Variants in COPS2 observed in about 807,000 individuals in gnomAD.
COPS2 encodes COP9 signalosome complex subunit 2.
A neutral mutation model predicts 66.1 loss-of-function variants in COPS2; 10 were observed. The observed-to-expected ratio is 0.15, with a 90% CI of 0.09 to 0.26. The LOEUF (loss-of-function observed/expected upper bound fraction) is 0.26, where lower values mean the gene tolerates loss of function less well. Among genes scored for constraint, COPS2 ranks in the 10% least tolerant of loss-of-function variants. The pLI, the probability that COPS2 is intolerant of heterozygous loss-of-function variation, is 1.00. For synonymous variants in COPS2, 179 were observed against 171.3 expected, an observed-to-expected ratio of 1.04 and a Z score of -0.35; for missense variants, 215 against 513.3, an observed-to-expected ratio of 0.42 and a Z score of 5.62.
chr15:49,136,001 G>T (rs1215907012), intron 6 of COPS2, among the ~76,000 whole-genome samples: 1 of 152,142 alleles, frequency 6.6e-6, no homozygotes, highest in South Asian at 2.1e-4. Context: ...CCTCCAGTTG[G>T]TTATGCATCA....
chr15:49,141,256 C>T (rs2084288017), intron 3 of COPS2, among the ~76,000 whole-genome samples: 1 of 152,114 alleles, frequency 6.6e-6, no homozygotes, highest in African/African-American at 2.4e-5. Flanking sequence ...AATCCCAGCC[C>T]TTTGAGAGGC....
chr15:49,151,735 A>G (rs1045037533), intron 1 of COPS2, among the ~76,000 whole-genome samples: 35 of 151,948 alleles, frequency 2.3e-4, no homozygotes, highest in African/African-American at 8.0e-4. Flanking sequence ...TTCTGCCTCT[A>G]ATGAAAATCA....
At chr15:49,153,024 C>T (rs2084373469) in intron 1 of COPS2, among the ~76,000 whole-genome samples, 1 of 152,154 alleles carries the variant, frequency 6.6e-6, no homozygotes, top group Admixed American at 6.5e-5. Flanking sequence ...TGATCATCAG[C>T]TTGATCACAG....
chr15:49,148,219 AC>A (rs1222822035), intron 1 of COPS2, among the ~76,000 whole-genome samples: 145 of 152,302 alleles, frequency 9.5e-4, no homozygotes, highest in Non-Finnish European at 2.9e-4. Context: ...ATTATTGCTC[AC>A]AGAAATCCAA....
chr15:49,136,113 A>T (rs1238563383), intron 6 of COPS2, among the ~76,000 whole-genome samples: 1 of 152,232 alleles, frequency 6.6e-6, no homozygotes, highest in Non-Finnish European at 1.5e-5. Flanking sequence ...ATTCATTTAG[A>T]ACAGTTTCTT....
chr15:49,154,293 T>C (rs942787512), intron 1 of COPS2, among the ~76,000 whole-genome samples: 1 of 152,314 alleles, frequency 6.6e-6, no homozygotes, highest in African/African-American at 2.4e-5. Flanking sequence ...TGCCTACAAC[T>C]GGCTTGCACA....
At chr15:49,138,047 G>C (rs1444080688) in intron 4 of COPS2, among the ~76,000 whole-genome samples, 1 of 152,164 alleles carries the variant, frequency 6.6e-6, no homozygotes, top group Admixed American at 6.5e-5. Flanking sequence ...ATATGACTAA[G>C]TAACTCAACT....
chr15:49,140,143 C>T (rs897429253), intron 3 of COPS2, among the ~76,000 whole-genome samples: 4 of 151,930 alleles, frequency 2.6e-5, no homozygotes. Flanking sequence ...TGTGCCACCA[C>T]ACCGGGCTAA....
At chr15:49,135,438 G>T (rs1409448753) in intron 6 of COPS2, among the ~76,000 whole-genome samples, 2 of 152,120 alleles carry the variant, frequency 1.3e-5, no homozygotes, top group African/African-American at 4.8e-5. Context: ...CACTCTAGTA[G>T]AAGATTAATC....
At position 49,145,043 on chromosome 15, in the gene COPS2, C is replaced by T; in HGVS notation, c.90G>A (p.Val30=). 1 of 1,599,488 alleles carries T rather than the reference C, an allele frequency of 6.3e-7. No homozygotes were observed. Among genetic ancestry groups the T allele is most frequent in the South Asian group, 1.1e-5 (1 of 88,458 alleles). ...YSEDSNSEPN[V]DLENQYYNSK... is the part of the protein sequence containing the mutation. ...AATTATAGTACTGATTTTCCAAATC[C>T]ACATTTGGCTCGGAGTTACTATCTT... The change falls in exon 2 of 13, where the codon GTG becomes GTA. Residue 30 remains valine, a synonymous_variant. Transcript: ENST00000388901.
intron 4 of COPS2, among the ~76,000 whole-genome samples, chr15:49,138,596 A>C (rs2084269587): frequency 6.6e-6 from 1 of 152,208 alleles, no homozygotes; most frequent in Admixed American, 6.5e-5. Context: ...CATGATATAT[A>C]GCTTAACTCT....
chr15:49,146,597 T>C (rs141714732), intron 1 of COPS2, among the ~76,000 whole-genome samples: 8 of 152,214 alleles, frequency 5.3e-5, no homozygotes, highest in Admixed American at 3.3e-4. Context: ...TAACTATTTG[T>C]TGGAACATAA....
intron 1 of COPS2, among the ~76,000 whole-genome samples, chr15:49,151,030 T>C (rs1241575971): frequency 6.6e-6 from 1 of 152,214 alleles, no homozygotes; most frequent in Admixed American, 6.5e-5. Flanking sequence ...CAGCTGGTCA[T>C]ATGGTCATAT....
intron 9 of COPS2, among the ~76,000 whole-genome samples, chr15:49,131,595 C>G (rs2084209676): frequency 6.6e-6 from 1 of 151,868 alleles, no homozygotes; most frequent in Non-Finnish European, 1.5e-5. Context: ...CCCAATGTAA[C>G]CTCATATTAG....
At chr15:49,128,610 G>C in intron 12 of COPS2, 92 bp downstream of exon 12, 1 of 879,280 alleles carries the variant, frequency 1.1e-6, no homozygotes, top group Non-Finnish European at 1.8e-6. Context: ...TGCTTTTTAT[G>C]AATAATCAAG....
Position 49,155,589 on chromosome 15 carries a change from AG to A in COPS2, c.-12del, listed in dbSNP as rs759205042. On this transcript the variant is annotated 5_prime_UTR_variant, in exon 1 of 13. Transcript: ENST00000388901. ...CTCCATGTCAGACATCTTGGCCGGG[AG>A]GGGGAGGAGAAATTGGAGACAACCT... 6.2e-7 allele frequency: 1 copy of A among 1,613,886 alleles called. No homozygotes were observed. The highest frequency in any genetic ancestry group is 8.5e-7 in the Non-Finnish European group (1 of 1,179,818).
At position 49,126,853 on chromosome 15, in the gene COPS2, AATACT is replaced by A. The variant is rs1331106804; in HGVS notation, c.*1092_*1096del. The A allele has an allele frequency of 1.3e-5, 2 of 152,154 alleles. No homozygotes were observed. The highest frequency in any genetic ancestry group is 2.9e-5 in the Non-Finnish European group (2 of 68,000). 9.4% of individuals were successfully genotyped at this position (152,154 alleles called of 1,614,324 possible). Reference sequence around the variant, plus strand: ...GTAACTAAAAATAATCAAGCTTCCTAATACTATATTTTTTAAAACAATGTATAATC... The same window carrying A: ...GTAACTAAAAATAATCAAGCTTCCTAATATTTTTTAAAACAATGTATAATC... On this transcript the variant is annotated 3_prime_UTR_variant, in exon 13 of 13. Transcript: ENST00000388901.
rs2084232021 is a variant in COPS2 at position 49,133,698 on chromosome 15, C to T, written c.947+61G>A. The T allele has an allele frequency of 3.4e-6, 4 of 1,183,286 alleles. No individual in the cohort carries two copies. The African/African-American group carries it at 4.7e-5, about 14-fold the overall frequency. The allele number at this position is 1,183,286 out of a possible 1,614,324, so 73.3% of individuals were successfully genotyped here. A position where few individuals can be genotyped will look rare whatever the true frequency, so the allele number is the denominator to read the frequency against. ...TTAACTGAGTTCTGAAAAGTTTTCT[C>T]ACTCTTTCCTTTATGAACTGCTTTA... On this transcript the variant is annotated intron_variant, in intron 9 of 12. Coordinates refer to ENST00000388901, the MANE Select transcript of COPS2 (RefSeq NM_004236.4).
At position 49,127,860 on chromosome 15, in the gene COPS2, A is replaced by G; in HGVS notation, c.*90T>C. 5.3e-6 allele frequency: 7 copies of G among 1,330,756 alleles called. No homozygotes were observed. The highest frequency in any genetic ancestry group is 7.2e-6 in the Non-Finnish European group (7 of 968,002). The allele number at this position is 1,330,756 out of a possible 1,614,324, so 82.4% of individuals were successfully genotyped here. A position where few individuals can be genotyped will look rare whatever the true frequency, so the allele number is the denominator to read the frequency against. The stretch of plus-strand genomic sequence containing the variant: ...ACTCCAATAATTTTCAGGACACATC[A>G]ACCGACAGTAGTTTTGCCATTCCCA... On this transcript the variant is annotated 3_prime_UTR_variant, in exon 13 of 13. Coordinates refer to ENST00000388901, the MANE Select transcript of COPS2 (RefSeq NM_004236.4).
Sources: gnomAD v4.1 joint callset for allele counts (sites outside exome capture counted in the v4.1 genomes callset) on GRCh38, gnomAD v4.1.1 for gene constraint, MANE v1.5 for transcripts, NCBI Gene and HGNC (gene_info 2026-07-23, HGNC 2026-07-21) for gene names.